The following AKAP19 variants were observed in gnomAD, a reference collection of about 807,000 sequenced individuals.
AKAP19 encodes small A-kinase anchoring protein.
At chr2:189,949,519 AG>A in the AKAP19 span, among the ~76,000 whole-genome samples, 1 of 136,110 alleles carries the variant, frequency 7.3e-6, no homozygotes, top group Non-Finnish European at 1.6e-5. Context: ...AAAAAAAAAA[AG>A]GAAAAAAGAA....
chr2:190,087,784 T>C, the AKAP19 span, among the ~76,000 whole-genome samples: 1 of 152,346 alleles, frequency 6.6e-6, no homozygotes, highest in Admixed American at 6.5e-5. Flanking sequence ...TGTTCCCAAT[T>C]GGTCATGAAA....
the AKAP19 span, among the ~76,000 whole-genome samples, chr2:190,070,990 A>AG: frequency 4.6e-5 from 7 of 152,294 alleles, no homozygotes; most frequent in African/African-American, 1.4e-4. Context: ...CACATAGATG[A>AG]GGGGGGTCCC....
the AKAP19 span, chr2:190,199,650 A>G: frequency 1.6e-6 from 2 of 1,271,834 alleles, no homozygotes; most frequent in South Asian, 1.8e-5. Context: ...ATCATACACT[A>G]TTTTGCATTC....
At chr2:190,090,197 C>T in the AKAP19 span, among the ~76,000 whole-genome samples, 1 of 152,204 alleles carries the variant, frequency 6.6e-6, no homozygotes, top group African/African-American at 2.4e-5. Flanking sequence ...TTAAAGTCCT[C>T]ATCTAGGCAG....
At chr2:189,985,082 T>C in the AKAP19 span, among the ~76,000 whole-genome samples, 2 of 152,190 alleles carry the variant, frequency 1.3e-5, no homozygotes, top group Admixed American at 1.3e-4. Flanking sequence ...GTTTGGCAGA[T>C]TGTCAACAAA....
chr2:190,190,312 A>G, the AKAP19 span, among the ~76,000 whole-genome samples: 5 of 152,322 alleles, frequency 3.3e-5, no homozygotes, highest in East Asian at 3.9e-4. Context: ...TCATATAAAT[A>G]TGATCCATCT....
At chr2:190,177,022 G>A in the AKAP19 span, among the ~76,000 whole-genome samples, 1 of 152,090 alleles carries the variant, frequency 6.6e-6, no homozygotes, top group Non-Finnish European at 1.5e-5. The surrounding 1 kb of genome is among the most constrained non-coding windows in gnomAD (Gnocchi z 4.6). Context: ...TAGACCAGTG[G>A]ACTGTTATTA....
At chr2:189,932,363 G>A in the AKAP19 span, among the ~76,000 whole-genome samples, 20 of 144,694 alleles carry the variant, frequency 1.4e-4, 1 homozygote, top group South Asian at 8.7e-4. Flanking sequence ...AGCCGAGATC[G>A]CACCATTGCA....
chr2:190,078,689 G>A, the AKAP19 span, among the ~76,000 whole-genome samples: 1 of 151,752 alleles, frequency 6.6e-6, no homozygotes, highest in Non-Finnish European at 1.5e-5. Context: ...CCTCTTGGTG[G>A]GAGTATAAAT....
At chr2:190,152,051 C>T in the AKAP19 span, among the ~76,000 whole-genome samples, 3 of 151,374 alleles carry the variant, frequency 2.0e-5, no homozygotes, top group African/African-American at 4.9e-5. Flanking sequence ...TGGCCAGGCT[C>T]CATGGCTCAC....
the AKAP19 span, among the ~76,000 whole-genome samples, chr2:190,191,302 CCTG>C: frequency 6.6e-6 from 1 of 152,050 alleles, no homozygotes; most frequent in East Asian, 1.9e-4. Flanking sequence ...ACCACTATGC[CCTG>C]CTAACTTTCT....
chr2:190,047,661 G>T, the AKAP19 span, among the ~76,000 whole-genome samples: 1 of 152,192 alleles, frequency 6.6e-6, no homozygotes, highest in Non-Finnish European at 1.5e-5. Flanking sequence ...TAGAACACAA[G>T]TATGAATAGA....
the AKAP19 span, among the ~76,000 whole-genome samples, chr2:190,168,418 C>T: frequency 5.3e-5 from 8 of 152,134 alleles, no homozygotes; most frequent in Non-Finnish European, 1.0e-4. Flanking sequence ...CCCCACCCCC[C>T]CACCGCCCTC....
chr2:189,886,064 C>T, the AKAP19 span, among the ~76,000 whole-genome samples: 1 of 152,144 alleles, frequency 6.6e-6, no homozygotes, highest in Admixed American at 6.5e-5. Context: ...CTGCCTCAGC[C>T]TCTCAAAGTG....
chr2:190,093,728 T>C, the AKAP19 span, among the ~76,000 whole-genome samples: 2 of 152,234 alleles, frequency 1.3e-5, no homozygotes, highest in African/African-American at 4.8e-5. Context: ...TTTGGGAATA[T>C]GACTTCTGCA....
chr2:190,190,278 G>A, the AKAP19 span, among the ~76,000 whole-genome samples: 1 of 152,090 alleles, frequency 6.6e-6, no homozygotes, highest in Non-Finnish European at 1.5e-5. Flanking sequence ...TATTCATAGG[G>A]TCACTATTGT....
the AKAP19 span, among the ~76,000 whole-genome samples, chr2:189,919,697 A>G: frequency 6.6e-6 from 1 of 152,182 alleles, no homozygotes; most frequent in African/African-American, 2.4e-5. Context: ...AGCTTCATCC[A>G]TGCCCCTGTA....
chr2:189,923,536 A>G, the AKAP19 span: 2 of 1,613,910 alleles, frequency 1.2e-6, no homozygotes, highest in East Asian at 4.5e-5. Flanking sequence ...GGGCTGCTGT[A>G]GCAGGAGAGG....
chr2:190,061,541 G>C, the AKAP19 span, among the ~76,000 whole-genome samples: 2 of 151,958 alleles, frequency 1.3e-5, no homozygotes, highest in African/African-American at 4.8e-5. Context: ...AAGGTACAAG[G>C]AGGACTTTGT....
Sources: gnomAD v4.1 joint callset for allele counts (sites outside exome capture counted in the v4.1 genomes callset) on GRCh38, gnomAD v4.1.1 for gene constraint, Gnocchi (gnomAD v3.1) non-coding constraint, MANE v1.5 for transcripts, NCBI Gene and HGNC (gene_info 2026-07-23, HGNC 2026-07-21) for gene names.